The following GABRG3 variants were observed in gnomAD, a reference collection of about 807,000 sequenced individuals.
The protein encoded by GABRG3 is gamma-aminobutyric acid receptor subunit gamma-3.
Under a neutral mutation model 48.8 loss-of-function variants are expected in GABRG3, and 25 were observed. The ratio of observed to expected loss-of-function variants is 0.51; its 90% confidence interval spans 0.37 to 0.72. The LOEUF (loss-of-function observed/expected upper bound fraction) is 0.72. Ranked by LOEUF, GABRG3 falls within the 30% of genes least tolerant of loss-of-function variation. The pLI is 0.00. For missense variants in GABRG3, 394 were observed against 577.9 expected (o/e 0.68, Z 3.26); for synonymous variants, 227 against 217.6 (o/e 1.04, Z -0.38).
At chr15:27,296,645 A>G (rs751195402) in intron 3 of GABRG3, among the ~76,000 whole-genome samples, 3 of 152,144 alleles carry the variant, frequency 2.0e-5, no homozygotes, top group Non-Finnish European at 4.4e-5. Context: ...TAGCATAGTC[A>G]TTGTAATGTT....
At chr15:27,151,271 G>A (rs1033714469) in intron 3 of GABRG3, among the ~76,000 whole-genome samples, 2 of 151,644 alleles carry the variant, frequency 1.3e-5, no homozygotes, top group African/African-American at 4.8e-5. Flanking sequence ...TCCTGGCAAC[G>A]ACTAATCTGT....
At position 27,193,877 on chromosome 15, in the gene GABRG3, C is replaced by T. The variant is rs192441096; in HGVS notation, c.271-132932C>T. On this transcript the variant is annotated intron_variant, in intron 3 of 9. Transcript: ENST00000615808. ...GGCCATCTTGGCTCCTCCCCCGCTT[C>T]GATGTTAATTTAAGCTGTTTACATT... 1.8e-4 allele frequency among the ~76,000 whole-genome samples: 28 copies of T among 151,774 alleles called. No homozygotes were observed. In the South Asian group the frequency reaches 4.8e-3, roughly 26 times the overall value.
At chr15:27,358,022 A>G (rs1894897516) in intron 5 of GABRG3, among the ~76,000 whole-genome samples, 1 of 152,230 alleles carries the variant, frequency 6.6e-6, no homozygotes, top group Admixed American at 6.5e-5. Flanking sequence ...CGATATTACA[A>G]AAACCACATT....
At chr15:27,141,799 A>G (rs1334094263) in intron 3 of GABRG3, among the ~76,000 whole-genome samples, 1 of 152,230 alleles carries the variant, frequency 6.6e-6, no homozygotes, top group Non-Finnish European at 1.5e-5. Flanking sequence ...ATAGGACTAC[A>G]GAGGAATTAG....
intron 5 of GABRG3, among the ~76,000 whole-genome samples, chr15:27,441,715 A>G (rs1390308120): frequency 6.6e-6 from 1 of 152,164 alleles, no homozygotes; most frequent in African/African-American, 2.4e-5. Flanking sequence ...GCCACCACTG[A>G]GACCCTTCCC....
rs1300162954 is a variant in GABRG3, at chr15:27,313,309, T to TAC, written c.271-13499_271-13498dup. ...ATATATATATATATATATATATATA[T>TAC]ACCCAACATCAGCACACCAAAATAC... On this transcript the variant is annotated intron_variant, in intron 3 of 9. Coordinates refer to ENST00000615808, the MANE Select transcript of GABRG3 (RefSeq NM_033223.5). Among the ~76,000 whole-genome samples the TAC allele has an allele frequency of 1.0e-3, 96 of 95,448 alleles. 1 individual carries two copies. Among genetic ancestry groups the TAC allele is most frequent in the African/African-American group, 3.8e-3 (92 of 24,296 alleles). 62.6% of individuals were successfully genotyped at this position (95,448 alleles called of 152,430 possible). A position where few individuals can be genotyped will look rare whatever the true frequency, so the allele number is the denominator to read the frequency against.
chr15:27,400,121 T>C (rs1273336828), intron 5 of GABRG3, among the ~76,000 whole-genome samples: 1 of 152,214 alleles, frequency 6.6e-6, no homozygotes, highest in Non-Finnish European at 1.5e-5. Flanking sequence ...TCAGATGATG[T>C]TTTTCTTCTA....
At chr15:27,240,335 A>G (rs918683708) in intron 3 of GABRG3, among the ~76,000 whole-genome samples, 11 of 152,338 alleles carry the variant, frequency 7.2e-5, no homozygotes, top group African/African-American at 2.4e-4. Flanking sequence ...GCTAGTCCAC[A>G]GTGCTGGAGG....
chr15:27,306,072 A>C (rs866222268), intron 3 of GABRG3, among the ~76,000 whole-genome samples: 1 of 114,112 alleles, frequency 8.8e-6, no homozygotes, highest in African/African-American at 3.3e-5. Context: ...GTTTATATAT[A>C]AACATATAAT....
At chr15:27,219,614 A>C (rs999312830) in intron 3 of GABRG3, among the ~76,000 whole-genome samples, 1 of 152,144 alleles carries the variant, frequency 6.6e-6, no homozygotes, top group Non-Finnish European at 1.5e-5. Context: ...ACCTGTGCCC[A>C]GCACCTCTGT....
intron 3 of GABRG3, among the ~76,000 whole-genome samples, chr15:27,168,138 A>T (rs1020621844): frequency 7.6e-5 from 11 of 144,186 alleles, no homozygotes; most frequent in Non-Finnish European, 1.4e-4. Flanking sequence ...AGCTCAGTTA[A>T]AAAAAAAAAA....
chr15:27,437,335 A>AAC (rs1888650506), intron 5 of GABRG3, among the ~76,000 whole-genome samples: 1 of 152,240 alleles, frequency 6.6e-6, no homozygotes, highest in South Asian at 2.1e-4. Context: ...ATGGAGTAAA[A>AAC]TTAAATTTTA....
chr15:27,415,810 A>G (rs955068176), intron 5 of GABRG3, among the ~76,000 whole-genome samples: 6 of 152,316 alleles, frequency 3.9e-5, no homozygotes, highest in Admixed American at 2.0e-4. Flanking sequence ...AAGTGGGGCC[A>G]TGCAAGAAAG....
chr15:27,493,644 A>G lies in GABRG3; in HGVS notation c.712+12857A>G, dbSNP rs190244794. On this transcript the variant is annotated intron_variant, in intron 6 of 9. Transcript: ENST00000615808. ...ATTTTAAAGATTCAGAGATAGAAAT[A>G]TATTATTATCTGAAAGATTGCTCTG... is the stretch of plus-strand genomic sequence containing the variant. Among the ~76,000 whole-genome samples the G allele has an allele frequency of 2.6e-5, 4 of 152,350 alleles. No individual in the cohort carries two copies. The East Asian group carries it at 7.7e-4, about 29-fold the overall frequency.
At chr15:27,426,650 CAAAATAAATAAATAA>C (rs1382843061) in intron 5 of GABRG3, among the ~76,000 whole-genome samples, 1 of 151,872 alleles carries the variant, frequency 6.6e-6, no homozygotes, top group East Asian at 1.9e-4. Flanking sequence ...TCATATCTAC[CAAAATAAATAAATAA>C]AAAATAAAAA....
intron 6 of GABRG3, chr15:27,481,094 T>C (rs1890091079): frequency 1.8e-6 from 2 of 1,142,666 alleles, no homozygotes; most frequent in African/African-American, 3.2e-5. Context: ...ATGGGGAGAG[T>C]TCTGCAAATT....
intron 3 of GABRG3, among the ~76,000 whole-genome samples, chr15:27,159,790 C>T (rs557456069): frequency 3.9e-5 from 6 of 152,222 alleles, no homozygotes; most frequent in African/African-American, 1.4e-4. Flanking sequence ...TGCAGAATGT[C>T]CTAGTGTGAC....
chr15:27,229,980 T>C (rs1031625394), intron 3 of GABRG3, among the ~76,000 whole-genome samples: 3 of 152,218 alleles, frequency 2.0e-5, no homozygotes, highest in African/African-American at 7.2e-5. Context: ...ATCTGTAAAT[T>C]TCTTTGGACA....
chr15:27,266,777 T>C (rs1156560266), intron 3 of GABRG3, among the ~76,000 whole-genome samples: 1 of 142,448 alleles, frequency 7.0e-6, no homozygotes. Context: ...GTATTTTACA[T>C]TTTTGATGGT....
Sources: gnomAD v4.1 joint callset for allele counts (sites outside exome capture counted in the v4.1 genomes callset) on GRCh38, gnomAD v4.1.1 for gene constraint, MANE v1.5 for transcripts, NCBI Gene and HGNC (gene_info 2026-07-23, HGNC 2026-07-21) for gene names.